Variants in HGD observed in about 807,000 individuals in gnomAD.
HGD encodes homogentisate oxidase.
A neutral mutation model predicts 60.8 loss-of-function variants in HGD; 61 were observed. The observed-to-expected ratio is 1.00, with a 90% confidence interval of 0.82 to 1.24. HGD has a LOEUF of 1.24. Among genes scored for constraint, HGD ranks in the 50% most tolerant of loss-of-function variants. HGD has a pLI of 0.00. For missense variants in HGD, 542 were observed against 547.1 expected (o/e 0.99, Z 0.09); for synonymous variants, 212 against 187.7 (o/e 1.13, Z -1.06).
At chr3:120,675,706 C>T (rs1708114518) in intron 2 of HGD, 86 bp downstream of exon 2, 6 of 989,314 alleles carry the variant, frequency 6.1e-6, no homozygotes, top group Non-Finnish European at 8.2e-6. Context: ...TTGGAAGAGC[C>T]ACGGTGGGTG....
intron 5 of HGD, 82 bp downstream of exon 5, chr3:120,652,510 G>T: frequency 3.0e-6 from 3 of 994,444 alleles, no homozygotes; most frequent in Non-Finnish European, 4.8e-6. Flanking sequence ...GCTTCTGCTT[G>T]GCATTCAGGC....
At chr3:120,672,574 A>T (rs1347003400) in intron 3 of HGD, among the ~76,000 whole-genome samples, 2 of 152,078 alleles carry the variant, frequency 1.3e-5, no homozygotes. Flanking sequence ...TTTCCATTTG[A>T]TTTCTCCATC....
At chr3:120,664,568 C>T (rs1707856675) in intron 4 of HGD, among the ~76,000 whole-genome samples, 1 of 151,878 alleles carries the variant, frequency 6.6e-6, no homozygotes, top group South Asian at 2.1e-4. Context: ...CCTGGGACTA[C>T]CGGTGCTTGC....
intron 6 of HGD, among the ~76,000 whole-genome samples, chr3:120,650,553 C>T (rs189760019): frequency 6.6e-6 from 1 of 152,318 alleles, no homozygotes; most frequent in African/African-American, 2.4e-5. Flanking sequence ...ATGTGATGTG[C>T]TTGTTTATAT....
intron 4 of HGD, among the ~76,000 whole-genome samples, chr3:120,658,338 C>T (rs2091840): frequency 1.3e-5 from 2 of 152,176 alleles, no homozygotes; most frequent in Non-Finnish European, 2.9e-5. Flanking sequence ...AACAAAGGGT[C>T]TATAGGCCCC....
In HGD at chr3:120,628,382, A is replaced by G. The variant is rs143370662; in HGVS notation, c.1336T>C (p.Ter446ArgextTer24). Residue 446 changes from the stop codon to arginine (R), a stop_lost, in exon 14 of 14, where the codon TGA becomes CGA. Transcript: ENST00000283871. ...ATTATGGTAGCAATGTTCCAGTCTCAATTAGGTTCTGCTGGGTTCCTGGAG... is the reference window on the plus strand; with the variant it reads ...ATTATGGTAGCAATGTTCCAGTCTCGATTAGGTTCTGCTGGGTTCCTGGAG... ...PNSRNPAEPN* is the reference protein window; with the variant it reads ...PNSRNPAEPNR 82 of 1,613,708 alleles carry G rather than the reference A, an allele frequency of 5.1e-5. No individual in the cohort carries two copies. Among genetic ancestry groups the G allele is most frequent in the Non-Finnish European group, 6.8e-5 (80 of 1,179,872 alleles).
rs140977117 is a variant in HGD, at chr3:120,650,836, G to A, written c.372C>T (p.Asp124=). The A allele has an allele frequency of 0.024, 38,722 of 1,613,576 alleles. 545 individuals carry two copies. The highest frequency in any genetic ancestry group is 0.037 in the Middle Eastern group (226 of 6,060). ...TAGCAAGCCCATTGTTAGACTTTATGTCTCCAGCTCCACACAAGGTATGCA... is the reference window on the plus strand; with the variant it reads ...TAGCAAGCCCATTGTTAGACTTTATATCTCCAGCTCCACACAAGGTATGCA... ...SGLHTLCGAG[D]IKSNNGLAIH... Residue 124 remains aspartate, a synonymous_variant, in exon 6 of 14, where the codon GAC becomes GAT. Transcript: ENST00000283871.
chr3:120,630,825 T>TATATATATAC (rs1491569082), intron 13 of HGD, among the ~76,000 whole-genome samples: 1,041 of 104,030 alleles, frequency 0.01, 17 homozygotes, highest in East Asian at 0.021. Context: ...TATATATATA[T>TATATATATAC]ACACATACAC....
chr3:120,681,043 A>T (rs1322552904), intron 1 of HGD, among the ~76,000 whole-genome samples: 1 of 152,222 alleles, frequency 6.6e-6, no homozygotes, highest in Admixed American at 6.5e-5. Flanking sequence ...AAGATAAAAA[A>T]CCAAAGTCTT....
At chr3:120,676,944 TTTATTAGTTCCCCAAATTAATACTTTTG>T (rs1576320573) in intron 1 of HGD, among the ~76,000 whole-genome samples, 1 of 152,188 alleles carries the variant, frequency 6.6e-6, no homozygotes. Flanking sequence ...TTCATGGACA[TTTATTAGTTCCCCAAATTAATACTTTTG>T]TAATTTCTTA....
At chr3:120,655,076 C>CA (rs1941454256) in intron 4 of HGD, among the ~76,000 whole-genome samples, 1 of 151,930 alleles carries the variant, frequency 6.6e-6, no homozygotes, top group Admixed American at 6.6e-5. Flanking sequence ...GTCTAAAAAA[C>CA]AAAAAACAAC....
chr3:120,637,397 C>T (rs1576288326), intron 12 of HGD, among the ~76,000 whole-genome samples: 1 of 149,954 alleles, frequency 6.7e-6, no homozygotes, highest in East Asian at 2.0e-4. Flanking sequence ...TTTTAAAAAA[C>T]TTGTAACAGA....
intron 1 of HGD, among the ~76,000 whole-genome samples, chr3:120,679,741 T>A (rs1708199803): frequency 6.6e-6 from 1 of 152,140 alleles, no homozygotes; most frequent in South Asian, 2.1e-4. Context: ...CCAAGGAATG[T>A]GGGTAGCCTC....
At chr3:120,661,835 T>C (rs1707774810) in intron 4 of HGD, among the ~76,000 whole-genome samples, 1 of 152,250 alleles carries the variant, frequency 6.6e-6, no homozygotes, top group Non-Finnish European at 1.5e-5. Flanking sequence ...ATTTATAGAA[T>C]GATAGGATCT....
intron 5 of HGD, among the ~76,000 whole-genome samples, chr3:120,651,361 T>C (rs1368524182): frequency 6.6e-6 from 1 of 152,146 alleles, no homozygotes; most frequent in African/African-American, 2.4e-5. Flanking sequence ...ACTGTAATTC[T>C]CTCTGCTGTG....
intron 4 of HGD, among the ~76,000 whole-genome samples, chr3:120,659,258 A>C (rs1008292855): frequency 2.6e-5 from 4 of 152,234 alleles, no homozygotes; most frequent in Non-Finnish European, 5.9e-5. Flanking sequence ...ATCTAAACTT[A>C]TTTTTAAATT....
chr3:120,669,385 A>T (rs777146925), intron 4 of HGD, among the ~76,000 whole-genome samples: 8 of 151,736 alleles, frequency 5.3e-5, no homozygotes, highest in Non-Finnish European at 8.8e-5. Flanking sequence ...GTAAGTCCGA[A>T]CTACTCCTGT....
At chr3:120,633,960 T>C (rs1252633532) in intron 12 of HGD, among the ~76,000 whole-genome samples, 1 of 152,236 alleles carries the variant, frequency 6.6e-6, no homozygotes, top group Admixed American at 6.5e-5. Flanking sequence ...GATGAATCTG[T>C]TATCCTCTTG....
At chr3:120,670,582 G>GCCATTC in intron 3 of HGD, 50 bp from the exon 4 acceptor site, 1 of 1,045,858 alleles carries the variant, frequency 9.6e-7, no homozygotes, top group Non-Finnish European at 1.5e-6. Context: ...AATGTTCTGA[G>GCCATTC]TGATACACAG....
Sources: allele counts gnomAD v4.1 joint callset (sites outside exome capture counted in the v4.1 genomes callset), GRCh38; gene constraint gnomAD v4.1.1; transcripts MANE v1.5; gene names NCBI Gene and HGNC (gene_info 2026-07-23, HGNC 2026-07-21).